BCAS1: variants seen among roughly 807,000 people sequenced by gnomAD.
BCAS1 encodes the protein breast carcinoma-amplified sequence 1.
In BCAS1, 46 loss-of-function variants were observed where a neutral mutation model predicts 65.4. The observed-to-expected ratio is 0.70, with a 90% CI of 0.55 to 0.90. The LOEUF is 0.90. Ranked by LOEUF, BCAS1 falls within the 40% of genes least tolerant of loss-of-function variation. BCAS1 has a pLI of 0.00. For missense variants in BCAS1, 793 were observed against 771.2 expected, an observed-to-expected ratio of 1.03 and a Z score of -0.33; for synonymous variants, 298 against 293.5, an observed-to-expected ratio of 1.02 and a Z score of -0.16.
chr20:54,045,242 A>G (rs1008794513), intron 3 of BCAS1, among the ~76,000 whole-genome samples: 3 of 152,014 alleles, frequency 2.0e-5, no homozygotes, highest in African/African-American at 7.2e-5. Flanking sequence ...CAAAACAAAA[A>G]ACTTACGCCC....
chr20:53,957,874 T>C (rs571471088), intron 10 of BCAS1, among the ~76,000 whole-genome samples: 74 of 145,664 alleles, frequency 5.1e-4, no homozygotes, highest in African/African-American at 1.9e-3. Flanking sequence ...AGGCTGTGGG[T>C]GTTTTATTGT....
At chr20:53,947,601 G>A (rs543547370) in intron 12 of BCAS1, among the ~76,000 whole-genome samples, 1 of 152,260 alleles carries the variant, frequency 6.6e-6, no homozygotes, top group Non-Finnish European at 1.5e-5. Context: ...TGACGCCACT[G>A]TCGCTCTCAG....
At chr20:54,051,721 T>G (rs964989145) in intron 3 of BCAS1, among the ~76,000 whole-genome samples, 2 of 137,890 alleles carry the variant, frequency 1.5e-5, no homozygotes, top group Non-Finnish European at 3.1e-5. Context: ...CTGGTTTTTT[T>G]TTTGTTTGTT....
At chr20:53,957,304 T>C (rs1600704551) in intron 11 of BCAS1, 128 bp downstream of exon 11, 3 of 804,238 alleles carry the variant, frequency 3.7e-6, no homozygotes, top group African/African-American at 1.7e-5. Flanking sequence ...TCTTGGCATA[T>C]AGTAGGTGCT....
chr20:53,981,859 A>G (rs1410852183), intron 8 of BCAS1, among the ~76,000 whole-genome samples: 1 of 151,666 alleles, frequency 6.6e-6, no homozygotes, highest in Non-Finnish European at 1.5e-5. Flanking sequence ...GTTCCTCCAA[A>G]TGGATTTCAA....
At position 54,026,702 on chromosome 20, in the gene BCAS1, G is replaced by A. The variant is rs79247156; in HGVS notation, c.723+1690C>T. 3.0e-3 allele frequency among the ~76,000 whole-genome samples: 457 copies of A among 152,318 alleles called. 2 individuals are homozygous for A. The highest frequency in any genetic ancestry group is 0.01 in the African/African-American group (432 of 41,566). ...ATGAGAATGGTTTCTCCACTCAGGC[G>A]CAAGTAGTAAACAGTTTCTCCCATA... is the stretch of plus-strand genomic sequence containing the variant. On this transcript the variant is annotated intron_variant, in intron 4 of 12. Transcript: ENST00000688948.
chr20:54,023,598 T>C (rs1251137021), intron 4 of BCAS1, among the ~76,000 whole-genome samples: 1 of 152,132 alleles, frequency 6.6e-6, no homozygotes, highest in African/African-American at 2.4e-5. Flanking sequence ...GAAAGGGACA[T>C]AGGCAGAGAA....
intron 8 of BCAS1, among the ~76,000 whole-genome samples, chr20:53,982,717 A>G (rs1193583265): frequency 6.6e-6 from 1 of 152,182 alleles, no homozygotes; most frequent in Admixed American, 6.5e-5. Flanking sequence ...AAAGAAAACA[A>G]AGGTCCTCAT....
At chr20:54,063,870 T>C (rs774655828) in intron 1 of BCAS1, among the ~76,000 whole-genome samples, 1 of 152,246 alleles carries the variant, frequency 6.6e-6, no homozygotes, top group Non-Finnish European at 1.5e-5. Flanking sequence ...GAGCTAACTT[T>C]CATTTTTGAA....
intron 3 of BCAS1, among the ~76,000 whole-genome samples, chr20:54,047,906 T>A (rs1366907733): frequency 6.6e-6 from 1 of 152,156 alleles, no homozygotes; most frequent in Non-Finnish European, 1.5e-5. Context: ...ATGAAGAGGA[T>A]GAAGGGAAGT....
chr20:54,025,502 A>T (rs1245831103), intron 4 of BCAS1, among the ~76,000 whole-genome samples: 1 of 152,194 alleles, frequency 6.6e-6, no homozygotes, highest in African/African-American at 2.4e-5. Flanking sequence ...TAGTTTTATA[A>T]GGCACAAAAA....
intron 3 of BCAS1, among the ~76,000 whole-genome samples, chr20:54,048,742 T>G (rs1245458031): frequency 6.6e-6 from 1 of 152,244 alleles, no homozygotes; most frequent in East Asian, 1.9e-4. Context: ...TTGCATTCCT[T>G]GAAGCTGAGT....
Position 53,979,976 on chromosome 20 carries a change from T to C in BCAS1, c.1276-4546A>G, listed in dbSNP as rs779039312. The stretch of plus-strand genomic sequence containing the variant: ...CTTAAGTCTGCTTGGGCCAGATGTA[T>C]GTTTGCTACGGAACCCCTTATAAAC... On this transcript the variant is annotated intron_variant, in intron 8 of 12. Coordinates refer to ENST00000688948, the MANE Select transcript of BCAS1 (RefSeq NM_001366298.2). Among the ~76,000 whole-genome samples the C allele has an allele frequency of 1.4e-4, 21 of 152,180 alleles. 1 individual carries two copies. The highest frequency in any genetic ancestry group is 2.5e-4 in the Non-Finnish European group (17 of 68,038).
intron 9 of BCAS1, among the ~76,000 whole-genome samples, chr20:53,973,072 A>G (rs1368661763): frequency 6.6e-6 from 1 of 152,216 alleles, no homozygotes; most frequent in African/African-American, 2.4e-5. Context: ...TACTAAAAAT[A>G]CAAAAATTAG....
intron 12 of BCAS1, among the ~76,000 whole-genome samples, chr20:53,945,384 C>T (rs6123329): frequency 0.49 from 74,006 of 151,462 alleles, 19,209 homozygotes; most frequent in East Asian, 0.87. Context: ...TCTAGGTTCA[C>T]CACCCTGTTT....
chr20:53,957,621 G>A (rs2089742731), intron 10 of BCAS1, 124 bp from the exon 11 acceptor site: 2 of 818,288 alleles, frequency 2.4e-6, no homozygotes, highest in Admixed American at 2.0e-5. Context: ...ACAAATGGAA[G>A]GCCAACTGGA....
intron 3 of BCAS1, among the ~76,000 whole-genome samples, chr20:54,050,921 G>A (rs2092200809): frequency 6.6e-6 from 1 of 152,166 alleles, no homozygotes; most frequent in Admixed American, 6.5e-5. Flanking sequence ...CTTTAGGTGG[G>A]TCTTTTGCAA....
intron 11 of BCAS1, among the ~76,000 whole-genome samples, chr20:53,956,264 A>G (rs963258264): frequency 2.6e-5 from 4 of 151,534 alleles, no homozygotes; most frequent in Non-Finnish European, 5.9e-5. Flanking sequence ...ATAAGAAGAG[A>G]CATTGGCAAG....
At chr20:53,954,294 G>GGAGAGAGA (rs71196437) in intron 11 of BCAS1, among the ~76,000 whole-genome samples, 5,255 of 125,728 alleles carry the variant, frequency 0.042, 229 homozygotes, top group South Asian at 0.086. Flanking sequence ...GCTGAGAAAT[G>GGAGAGAGA]GAGAGAGAGA....
Sources: allele counts gnomAD v4.1 joint callset (sites outside exome capture counted in the v4.1 genomes callset), GRCh38; gene constraint gnomAD v4.1.1; transcripts MANE v1.5; gene names NCBI Gene and HGNC (gene_info 2026-07-23, HGNC 2026-07-21).